Variants in HPSE2 observed in about 807,000 individuals in gnomAD.
HPSE2 encodes inactive heparanase-2.
In HPSE2, 38 loss-of-function variants were observed where a neutral mutation model predicts 60.5. That is an observed-to-expected ratio of 0.63 (90% CI 0.48 to 0.82). The LOEUF (loss-of-function observed/expected upper bound fraction) is 0.82, where lower values mean the gene tolerates loss of function less well. Ranked by LOEUF, HPSE2 falls within the 40% of genes least tolerant of loss-of-function variation. The probability of loss-of-function intolerance (pLI) is 0.00; values close to 1 mark genes in which losing one functional copy is unlikely to be tolerated. For missense variants in HPSE2, 713 were observed against 740.4 expected (o/e 0.96, Z 0.43); for synonymous variants, 295 against 293.2 (o/e 1.01, Z -0.06).
intron 9 of HPSE2, among the ~76,000 whole-genome samples, chr10:98,575,919 A>G (rs1359014993): frequency 6.6e-6 from 1 of 152,164 alleles, no homozygotes; most frequent in Admixed American, 6.5e-5. Flanking sequence ...GTAAATAATT[A>G]CCTTGTAGAA....
At chr10:98,811,396 A>C (rs2134571652) in intron 3 of HPSE2, among the ~76,000 whole-genome samples, 1 of 152,258 alleles carries the variant, frequency 6.6e-6, no homozygotes, top group Middle Eastern at 3.4e-3. Flanking sequence ...TTGTTTCCCC[A>C]GTTTACCACA....
intron 3 of HPSE2, among the ~76,000 whole-genome samples, chr10:98,862,905 C>A (rs1366404980): frequency 2.6e-5 from 4 of 152,122 alleles, no homozygotes; most frequent in Admixed American, 2.6e-4. Context: ...GGACTGTGGG[C>A]ATGTACCACT....
rs754202509 is a variant in HPSE2, at chr10:98,721,637, A to G, written c.956+20T>C. ...ATTAAATGAACAATGTCATAAGAAAAGCTAAATAATCTGACCTACCCATCT... is the reference window on the plus strand; with the variant it reads ...ATTAAATGAACAATGTCATAAGAAAGGCTAAATAATCTGACCTACCCATCT... On this transcript the variant is annotated intron_variant, in intron 5 of 11. Coordinates refer to ENST00000370552, the MANE Select transcript of HPSE2 (RefSeq NM_021828.5). 6.2e-7 allele frequency: 1 copy of G among 1,608,928 alleles called. No homozygotes were observed. The highest frequency in any genetic ancestry group is 8.5e-7 in the Non-Finnish European group (1 of 1,176,236).
intron 2 of HPSE2, among the ~76,000 whole-genome samples, chr10:99,225,956 T>C (rs1384712393): frequency 6.6e-6 from 1 of 152,086 alleles, no homozygotes; most frequent in Non-Finnish European, 1.5e-5. Context: ...TCTAGCAATA[T>C]GAACTTTGCT....
At chr10:99,249,968 C>G in the HPSE2 span, among the ~76,000 whole-genome samples, 1 of 151,918 alleles carries the variant, frequency 6.6e-6, no homozygotes, top group Non-Finnish European at 1.5e-5. Flanking sequence ...ATGGTGAAAC[C>G]CTGTCTCTAC....
intron 3 of HPSE2, among the ~76,000 whole-genome samples, chr10:98,995,361 G>A (rs1001490479): frequency 1.6e-4 from 24 of 151,908 alleles, no homozygotes; most frequent in Admixed American, 3.9e-4. Context: ...AATAAGCAAC[G>A]GGTCTGCTAC....
At chr10:98,761,938 A>C (rs1165006895) in intron 3 of HPSE2, among the ~76,000 whole-genome samples, 3 of 151,962 alleles carry the variant, frequency 2.0e-5, no homozygotes, top group African/African-American at 4.8e-5. Flanking sequence ...GGCCCCCCGC[A>C]ACATGCCAGA....
intron 3 of HPSE2, among the ~76,000 whole-genome samples, chr10:99,129,834 C>T (rs1363407047): frequency 3.6e-5 from 5 of 139,476 alleles, no homozygotes; most frequent in Admixed American, 1.4e-4. Flanking sequence ...ATAAAAGAAA[C>T]AAAAAGCTGG....
intron 3 of HPSE2, among the ~76,000 whole-genome samples, chr10:98,817,028 G>C (rs1270722992): frequency 6.6e-6 from 1 of 151,968 alleles, no homozygotes; most frequent in African/African-American, 2.4e-5. Flanking sequence ...TTGGACTGCT[G>C]GCACCCTCAA....
chr10:99,262,379 T>G, the HPSE2 span, among the ~76,000 whole-genome samples: 1 of 152,160 alleles, frequency 6.6e-6, no homozygotes, highest in Non-Finnish European at 1.5e-5. Flanking sequence ...TTATCTGCTT[T>G]CCTGACTATT....
chr10:98,858,490 C>A (rs779925909), intron 3 of HPSE2, among the ~76,000 whole-genome samples: 1 of 152,100 alleles, frequency 6.6e-6, no homozygotes, highest in African/African-American at 2.4e-5. Flanking sequence ...TTTAATGCCA[C>A]AATTTTCATT....
At chr10:99,232,929 C>G (rs535103683) in intron 1 of HPSE2, among the ~76,000 whole-genome samples, 1 of 152,266 alleles carries the variant, frequency 6.6e-6, no homozygotes, top group Non-Finnish European at 1.5e-5. Context: ...GGCTTCCGAC[C>G]GTTGCCAAAA....
chr10:99,149,500 T>C (rs891787449), intron 2 of HPSE2, among the ~76,000 whole-genome samples: 1 of 152,198 alleles, frequency 6.6e-6, no homozygotes, highest in Admixed American at 6.5e-5. Flanking sequence ...AATCTCTCAA[T>C]GCATTTCCTA....
intron 2 of HPSE2, among the ~76,000 whole-genome samples, chr10:99,165,578 GCT>G (rs1337257965): frequency 1.8e-4 from 26 of 147,896 alleles, no homozygotes; most frequent in African/African-American, 6.7e-4. Context: ...ATGGAGTCTC[GCT>G]CTGTCACCCA....
chr10:99,111,859 A>C (rs1344121894), intron 3 of HPSE2, among the ~76,000 whole-genome samples: 1 of 152,194 alleles, frequency 6.6e-6, no homozygotes, highest in African/African-American at 2.4e-5. Context: ...TCAGACTCCT[A>C]TTCCTCCAAT....
At chr10:99,235,994 T>G (rs1849837857), upstream of HPSE2, 1 of 493,000 alleles carries the variant, frequency 2.0e-6, no homozygotes, top group African/African-American at 2.3e-5. Flanking sequence ...TCGTTTTGTT[T>G]TTTTCTTTTT....
intron 3 of HPSE2, among the ~76,000 whole-genome samples, chr10:98,766,607 T>C (rs1293865443): frequency 1.3e-5 from 2 of 152,060 alleles, no homozygotes; most frequent in Non-Finnish European, 2.9e-5. Context: ...ATTCCAGCAA[T>C]GAAAGGCTGA....
intron 6 of HPSE2, among the ~76,000 whole-genome samples, chr10:98,656,267 A>G (rs1429641558): frequency 1.3e-5 from 2 of 152,006 alleles, no homozygotes; most frequent in Non-Finnish European, 2.9e-5. Context: ...TTGTAATTTT[A>G]GTACAGATGG....
At chr10:98,480,226 T>G (rs1941183027) in intron 11 of HPSE2, among the ~76,000 whole-genome samples, 1 of 151,842 alleles carries the variant, frequency 6.6e-6, no homozygotes, top group Non-Finnish European at 1.5e-5. Context: ...GAATTACAGG[T>G]GCTCACCACC....
Sources: gnomAD v4.1 joint callset for allele counts (sites outside exome capture counted in the v4.1 genomes callset) on GRCh38, gnomAD v4.1.1 for gene constraint, MANE v1.5 for transcripts, NCBI Gene and HGNC (gene_info 2026-07-23, HGNC 2026-07-21) for gene names.